KCP: variants seen among roughly 807,000 people sequenced by gnomAD.
The protein encoded by KCP is kielin/chordin-like protein.
A neutral mutation model predicts 212.7 loss-of-function variants in KCP; 194 were observed. That is an observed-to-expected ratio of 0.91 (90% CI 0.81 to 1.03). The LOEUF is 1.03. Ranked by LOEUF, KCP falls within the 50% of genes least tolerant of loss-of-function variation. KCP has a pLI of 0.00. For synonymous variants in KCP, 833 were observed against 865.3 expected (o/e 0.96, Z 0.65); for missense variants, 2,080 against 2,162.5 (o/e 0.96, Z 0.76).
intron 1 of KCP, among the ~76,000 whole-genome samples, chr7:128,909,532 C>G (rs1795320681): frequency 6.6e-6 from 1 of 152,164 alleles, no homozygotes; most frequent in African/African-American, 2.4e-5. Context: ...GTTACTTAAG[C>G]CAGAAAGCTG....
rs1341926591 is a variant in KCP at position 128,882,893 on chromosome 7, A to C, written c.3245-877T>G. On this transcript the variant is annotated intron_variant, in intron 29 of 39. Transcript: ENST00000610776. ...TCGAGACCAGCCTGGCCAACATGTTAAAACCCCATCTCTACTAAAAATACA... is the reference window on the plus strand; with the variant it reads ...TCGAGACCAGCCTGGCCAACATGTTCAAACCCCATCTCTACTAAAAATACA... Among the ~76,000 whole-genome samples the C allele has an allele frequency of 3.9e-5, 6 of 152,098 alleles. No individual in the cohort carries two copies. In the East Asian group the frequency reaches 1.2e-3, roughly 30 times the overall value.
rs1018077402 is a variant in KCP, at chr7:128,885,118, C to A, written c.3019G>T (p.Asp1007Tyr). ...GTACCAGAGCATTGAGGACAGCAGT[C>A]ATGGGGCCCTTGGCGGGGCTGGGCG... The part of the protein sequence containing the change: ...SCAQPRQGPH[D>Y]CCPQCSDCEH... Residue 1007 changes from aspartate (D) to tyrosine (Y), a missense_variant, in exon 27 of 40, where the codon GAC (aspartate) becomes TAC (tyrosine). By Grantham distance (160) the Asp-to-Tyr change is radical. Transcript: ENST00000610776. 1.8e-5 allele frequency: 28 copies of A among 1,550,738 alleles called. No homozygotes were observed. The African/African-American group carries it at 3.6e-4, about 20-fold the overall frequency.
rs1794089633 is a variant in KCP, at chr7:128,891,081, G to C, written c.1988C>G (p.Ala663Gly). ...CPQCPAAPAP[A>G]GCPRPGAAHA... is the part of the protein sequence containing the mutation. The stretch of plus-strand genomic sequence containing the variant: ...GGCCGCGCCGGGCCGTGGGCAGCCG[G>C]CGGGGGCTGGGGCGGCTGCGGCGAG... The change falls in exon 20 of 40, where the codon GCC becomes GGC. Residue 663 changes from alanine to glycine, a missense_variant. Ala to Gly is a moderately conservative substitution (Grantham distance 60, BLOSUM62 0). Transcript: ENST00000610776. The C allele has an allele frequency of 4.2e-6, 6 of 1,420,354 alleles. No individual in the cohort carries two copies. The highest frequency in any genetic ancestry group is 2.5e-4 in the Middle Eastern group (1 of 4,062). The allele number at this position is 1,420,354 out of a possible 1,614,324, so 88.0% of individuals were successfully genotyped here. A position where few individuals can be genotyped will look rare whatever the true frequency, so the allele number is the denominator to read the frequency against.
intron 8 of KCP, among the ~76,000 whole-genome samples, 185 bp downstream of exon 8, chr7:128,902,592 G>C (rs111539660): frequency 9.2e-5 from 14 of 152,320 alleles, no homozygotes; most frequent in African/African-American, 3.4e-4. Context: ...CTTGGGCTCA[G>C]AGCTGGGCAC....
At chr7:128,886,347 C>T in intron 26 of KCP, 117 bp downstream of exon 26, 1 of 818,496 alleles carries the variant, frequency 1.2e-6, no homozygotes, top group East Asian at 2.7e-5. Flanking sequence ...TATGCAAGGG[C>T]CAGTTGTTGG....
At chr7:128,881,319 A>T (rs1017988863) in intron 31 of KCP, among the ~76,000 whole-genome samples, 1 of 151,900 alleles carries the variant, frequency 6.6e-6, no homozygotes, top group Non-Finnish European at 1.5e-5. Flanking sequence ...CTGGAACCCC[A>T]CTCTGGGCCA....
intron 8 of KCP, among the ~76,000 whole-genome samples, chr7:128,901,937 T>C (rs1484922372): frequency 1.3e-5 from 2 of 152,206 alleles, no homozygotes; most frequent in African/African-American, 4.8e-5. Flanking sequence ...CCTGCTCAAA[T>C]CCTACTTACC....
At chr7:128,906,255 G>A in intron 5 of KCP, 24 bp downstream of exon 5, 1 of 1,533,922 alleles carries the variant, frequency 6.5e-7, no homozygotes, top group Non-Finnish European at 8.8e-7. Context: ...CAGGAGGTGG[G>A]GCTGAGACTG....
In KCP at chr7:128,877,296, AG is replaced by A; in HGVS notation, c.4633del (p.Leu1545TrpfsTer33). 1 of 1,516,474 alleles carries A rather than the reference AG, an allele frequency of 6.6e-7. No individual in the cohort carries two copies. The allele number at this position is 1,516,474 out of a possible 1,614,324, so 93.9% of individuals were successfully genotyped here. A position where few individuals can be genotyped will look rare whatever the true frequency, so the allele number is the denominator to read the frequency against. On this transcript the variant is annotated frameshift_variant, in exon 40 of 40. Coordinates refer to ENST00000610776, the MANE Select transcript of KCP (RefSeq NM_001366122.1). LOFTEE classifies it high-confidence loss of function. ...GPTLCVVGCP[L>X]ERGFVFDECG... The stretch of plus-strand genomic sequence containing the variant: ...CTCATCAAACACGAAGCCACGCTCC[AG>A]GGGGCAGCCTACCACTGCAGGGGGA...
chr7:128,892,866 C>T lies in KCP; in HGVS notation c.1420+3G>A. ...GAAAGCCAGGATCAGCCCAGGCACT[C>T]ACCAGGGGGCTGGGTGGGGTGCTGG... On this transcript the variant is annotated splice_donor_region_variant and intron_variant, in intron 14 of 39. Transcript: ENST00000610776. 1 of 1,550,952 alleles carries T rather than the reference C, an allele frequency of 6.4e-7. No homozygotes were observed. The highest frequency in any genetic ancestry group is 8.7e-7 in the Non-Finnish European group (1 of 1,146,688).
intron 22 of KCP, among the ~76,000 whole-genome samples, chr7:128,887,820 CACAT>C (rs1479377926): frequency 1.6e-5 from 2 of 121,534 alleles, no homozygotes; most frequent in South Asian, 2.6e-4. Context: ...TATACACAGC[CACAT>C]ACACACACAC....
Position 128,892,592 on chromosome 7 carries a change from A to G in KCP, c.1543T>C (p.Cys515Arg), listed in dbSNP as rs1585225871. The G allele has an allele frequency of 7.7e-6, 12 of 1,550,998 alleles. No individual in the cohort carries two copies. Among genetic ancestry groups the G allele is most frequent in the Non-Finnish European group, 8.7e-6 (10 of 1,146,514 alleles). The change falls in exon 16 of 40, where the codon TGC (cysteine) becomes CGC (arginine). Residue 515 changes from cysteine to arginine, a missense_variant. Cys to Arg is a radical substitution (Grantham distance 180). Transcript: ENST00000610776. ...GTGGGAGGGCAGTCAACCAAGGAGC[A>G]TGTCACAGTTCCATCCTGCGAGAGA... ...ACHCQDGTVT[C>R]SLVDCPPTTC...
At chr7:128,878,480 C>A in intron 38 of KCP, 78 bp downstream of exon 38, 1 of 1,439,358 alleles carries the variant, frequency 6.9e-7, no homozygotes, top group Admixed American at 2.4e-5. Context: ...CCCTGCTTTC[C>A]ATGCCAGAGG....
In KCP at chr7:128,886,224, C is replaced by T. The variant is rs529968092; in HGVS notation, c.2866+240G>A. On this transcript the variant is annotated intron_variant, in intron 26 of 39. Coordinates refer to ENST00000610776, the MANE Select transcript of KCP (RefSeq NM_001366122.1). ...CTGGGATTGCAAATGTGAGCCGCTG[C>T]ACCCAGCCCAAGACAGGCAGCTTTG... is the stretch of plus-strand genomic sequence containing the variant. Among the ~76,000 whole-genome samples, 232 of 152,314 alleles carry T rather than the reference C, an allele frequency of 1.5e-3. 5 individuals carry two copies. In the South Asian group the frequency reaches 0.043, roughly 28 times the overall value.
intron 37 of KCP, 60 bp from the exon 38 acceptor site, chr7:128,878,782 G>A: frequency 9.4e-6 from 14 of 1,482,320 alleles, no homozygotes; most frequent in Non-Finnish European, 1.3e-5. Context: ...AGAAGCCCAG[G>A]GTCCATCATG....
chr7:128,878,396 C>T (rs764344711), intron 38 of KCP, among the ~76,000 whole-genome samples, 162 bp downstream of exon 38: 1 of 152,136 alleles, frequency 6.6e-6, no homozygotes, highest in Non-Finnish European at 1.5e-5. Context: ...ACCTCTCCAG[C>T]ACCAAGACAG....
intron 29 of KCP, among the ~76,000 whole-genome samples, chr7:128,882,224 T>C (rs930362099): frequency 3.3e-5 from 5 of 152,158 alleles, no homozygotes; most frequent in Admixed American, 6.5e-5. Flanking sequence ...TGCTAGGCTA[T>C]TATTTGGGGC....
rs1369443296 is a variant in KCP, at chr7:128,892,573, G to A, written c.1562C>T (p.Pro521Leu). The A allele has an allele frequency of 6.4e-7, 1 of 1,550,518 alleles. No homozygotes were observed. Among genetic ancestry groups the A allele is most frequent in the African/African-American group, 1.4e-5 (1 of 73,150 alleles). The change falls in exon 16 of 40, where the codon CCT becomes CTT. Residue 521 changes from proline to leucine, a missense_variant. Pro to Leu is a moderately conservative substitution (Grantham distance 98). Transcript: ENST00000610776. ...GTVTCSLVDCPPTTCARPQSG... is the reference protein window; with the variant it reads ...GTVTCSLVDCLPTTCARPQSG... ...CTGGGGCCTGGCACAGGTCGTGGGA[G>A]GGCAGTCAACCAAGGAGCATGTCAC...
chr7:128,889,118 G>A (rs1010664355), intron 21 of KCP, 79 bp from the exon 22 acceptor site: 3 of 1,131,752 alleles, frequency 2.7e-6, no homozygotes, highest in Non-Finnish European at 3.6e-6. Context: ...TCTGAGCTTG[G>A]GCCTGTTATG....
Sources: allele counts gnomAD v4.1 joint callset (sites outside exome capture counted in the v4.1 genomes callset), GRCh38; gene constraint gnomAD v4.1.1; transcripts MANE v1.5; gene names NCBI Gene and HGNC (gene_info 2026-07-23, HGNC 2026-07-21).